Variants in COL4A6 observed in about 807,000 individuals in gnomAD.
COL4A6 encodes the protein collagen type IV alpha 6 chain, also known as collagen alpha-6(IV) chain.
A neutral mutation model predicts 126.7 loss-of-function variants in COL4A6; 59 were observed. The observed-to-expected ratio is 0.47, with a 90% CI of 0.38 to 0.58. The LOEUF is 0.58. Among genes scored for constraint, COL4A6 ranks in the 20% least tolerant of loss-of-function variants. The pLI is 0.00. For synonymous variants in COL4A6, 547 were observed against 496.6 expected (o/e 1.10, Z -1.35); for missense variants, 1,285 against 1,337.3 (o/e 0.96, Z 0.61).
At chrX:108,312,045 GA>G (rs2077516677) in intron 2 of COL4A6, among the ~76,000 whole-genome samples, 1 of 111,961 alleles carries the variant, frequency 8.9e-6, no homozygotes, top group African/African-American at 3.2e-5. Flanking sequence ...TCCACCTTGG[GA>G]AAAAAGGAAA....
chrX:108,375,451 A>G (rs1184371548), intron 2 of COL4A6, among the ~76,000 whole-genome samples: 1 of 111,400 alleles, frequency 9.0e-6, no homozygotes, highest in East Asian at 2.8e-4. Flanking sequence ...GAGTTTGGAA[A>G]CATGATGCTG....
chrX:108,400,871 T>G (rs2041073259), intron 2 of COL4A6, among the ~76,000 whole-genome samples: 1 of 111,946 alleles, frequency 8.9e-6, no homozygotes, highest in South Asian at 3.7e-4. Context: ...CACAAAAAAT[T>G]TAGAAAGTGT....
intron 2 of COL4A6, among the ~76,000 whole-genome samples, chrX:108,371,188 T>C (rs2040315004): frequency 9.1e-6 from 1 of 110,240 alleles, no homozygotes; most frequent in South Asian, 4.0e-4. Flanking sequence ...ATTTCCTTTT[T>C]AAAATAACAT....
intron 3 of COL4A6, among the ~76,000 whole-genome samples, chrX:108,289,901 C>A (rs778771526): frequency 1.8e-5 from 2 of 111,954 alleles, no homozygotes; most frequent in South Asian, 7.6e-4. Context: ...TTTGCAGGAG[C>A]GAATCTCGTC....
intron 20 of COL4A6, 36 bp from the exon 21 acceptor site, chrX:108,188,713 A>T: frequency 9.3e-7 from 1 of 1,073,055 alleles, no homozygotes; most frequent in Middle Eastern, 2.6e-4. Flanking sequence ...GAAGTGGGTC[A>T]TTTTTTTCCA....
At chrX:108,401,869 G>T (rs1184037743) in intron 2 of COL4A6, among the ~76,000 whole-genome samples, 4 of 110,753 alleles carry the variant, frequency 3.6e-5, no homozygotes, top group Non-Finnish European at 7.6e-5. Context: ...ACTGAGATGG[G>T]TATATTTTTC....
intron 3 of COL4A6, among the ~76,000 whole-genome samples, chrX:108,253,870 C>G (rs2036922219): frequency 8.9e-6 from 1 of 111,748 alleles, no homozygotes; most frequent in African/African-American, 3.2e-5. Flanking sequence ...TAGCCCATTA[C>G]TTTATTAAGG....
At position 108,382,963 on chromosome X, in the gene COL4A6, A is replaced by AATAATAATG. The variant is rs2040592590; in HGVS notation, c.63+54978_63+54979insCATTATTAT. Among the ~76,000 whole-genome samples, 7 of 9,204 alleles carry AATAATAATG rather than the reference A, an allele frequency of 7.6e-4. No homozygotes were observed. The South Asian group carries it at 9.4e-3, about 12-fold the overall frequency. The allele number at this position is 9,204 out of a possible 115,157, so 8.0% of individuals were successfully genotyped here. A position where few individuals can be genotyped will look rare whatever the true frequency, so the allele number is the denominator to read the frequency against. On this transcript the variant is annotated intron_variant, in intron 2 of 44. Coordinates refer to ENST00000334504, the MANE Select transcript of COL4A6 (RefSeq NM_033641.4). ...ACCCTGTCTCCATTCCCCCGCCAAA[A>AATAATAATG]ATAATAATAATAATAATAATAATAA...
At chrX:108,425,200 TGTGA>T (rs1263466836) in intron 2 of COL4A6, among the ~76,000 whole-genome samples, 14 of 73,369 alleles carry the variant, frequency 1.9e-4, no homozygotes, top group South Asian at 5.9e-4. Context: ...TGTGTGTGTG[TGTGA>T]GAGAGAGAGA....
intron 2 of COL4A6, among the ~76,000 whole-genome samples, chrX:108,409,116 G>T (rs941934679): frequency 8.9e-6 from 1 of 112,340 alleles, no homozygotes; most frequent in Non-Finnish European, 1.9e-5. Flanking sequence ...GAAGTGAAAA[G>T]AGATGCAGCC....
At chrX:108,318,750 C>A (rs889121290) in intron 2 of COL4A6, among the ~76,000 whole-genome samples, 1 of 112,239 alleles carries the variant, frequency 8.9e-6, no homozygotes, top group African/African-American at 3.2e-5. Flanking sequence ...GAAGAATATT[C>A]CATGCTCATG....
At chrX:108,378,879 C>G (rs929763726) in intron 2 of COL4A6, among the ~76,000 whole-genome samples, 3 of 112,675 alleles carry the variant, frequency 2.7e-5, no homozygotes, top group African/African-American at 9.7e-5. Context: ...TTGTGCTCAA[C>G]AACAGAGATA....
chrX:108,356,878 A>G (rs1418470040), intron 2 of COL4A6, among the ~76,000 whole-genome samples: 1 of 109,737 alleles, frequency 9.1e-6, no homozygotes, highest in Non-Finnish European at 1.9e-5. Flanking sequence ...TTAGAATAAT[A>G]AGAGCAGAAG....
In COL4A6 at chrX:108,185,431, A is replaced by G. The variant is rs144900718; in HGVS notation, c.1951+1665T>C. Among the ~76,000 whole-genome samples the G allele has an allele frequency of 3.7e-3, 411 of 109,897 alleles. 3 individuals are homozygous for G. Among genetic ancestry groups the G allele is most frequent in the African/African-American group, 0.013 (402 of 30,248 alleles). On this transcript the variant is annotated intron_variant, in intron 23 of 44. Transcript: ENST00000334504. ...GGAAAATGTCCTTACAACCTTCACAATAATTTGTGAAATGATATATTGACT... is the reference window on the plus strand; with the variant it reads ...GGAAAATGTCCTTACAACCTTCACAGTAATTTGTGAAATGATATATTGACT...
chrX:108,338,165 G>A (rs1246464233), intron 2 of COL4A6, among the ~76,000 whole-genome samples: 1 of 111,711 alleles, frequency 9.0e-6, no homozygotes, highest in Non-Finnish European at 1.9e-5. Context: ...CACTGGGGAG[G>A]AATGAGATGG....
Position 108,214,213 on chromosome X carries a change from G to C in COL4A6, c.340C>G (p.Pro114Ala), listed in dbSNP as rs754318268. ...INGIPGHPGQPGPRGPPGLDG... is the reference protein window; with the variant it reads ...INGIPGHPGQAGPRGPPGLDG... ...AGACCAGGTGGGCCTCTGGGGCCTG[G>C]TTGTCCAGGGTGGCCCTGTTCAAAG... The change falls in exon 6 of 45, where the codon CCA becomes GCA. Residue 114 changes from proline (P) to alanine (A), a missense_variant. By Grantham distance (27) the Pro-to-Ala change is conservative (BLOSUM62 -1). Coordinates refer to ENST00000334504, the MANE Select transcript of COL4A6 (RefSeq NM_033641.4). 1 of 1,199,431 alleles carries C rather than the reference G, an allele frequency of 8.3e-7. No homozygotes were observed. The highest frequency in any genetic ancestry group is 2.2e-5 in the Admixed American group (1 of 44,650).
chrX:108,175,563 G>T lies in COL4A6; in HGVS notation c.2830+91C>A, dbSNP rs2034454796. On this transcript the variant is annotated intron_variant, in intron 29 of 44. Coordinates refer to ENST00000334504, the MANE Select transcript of COL4A6 (RefSeq NM_033641.4). ...ATTTTTATTATCTAACATAGATTTG[G>T]TACAAACCACAGGAATAACCAAGTC... 9.0e-6 allele frequency: 9 copies of T among 1,001,330 alleles called. No homozygotes were observed. The South Asian group carries it at 2.0e-4, about 22-fold the overall frequency. The allele number at this position is 1,001,330 out of a possible 1,213,427, so 82.5% of individuals were successfully genotyped here.
chrX:108,227,064 C>T lies in COL4A6; in HGVS notation c.145-5690G>A, dbSNP rs1031455454. 2.7e-5 allele frequency among the ~76,000 whole-genome samples: 3 copies of T among 111,644 alleles called. 1 individual carries two copies. The highest frequency in any genetic ancestry group is 9.8e-5 in the African/African-American group (3 of 30,648). On this transcript the variant is annotated intron_variant, in intron 3 of 44. Coordinates refer to ENST00000334504, the MANE Select transcript of COL4A6 (RefSeq NM_033641.4). ...GGCTCTAACCAAGATATCAGCTTCT[C>T]CAGGGAGCTTTCTATGATTACCCCC...
intron 2 of COL4A6, among the ~76,000 whole-genome samples, chrX:108,392,309 A>G (rs964655432): frequency 8.9e-6 from 1 of 111,745 alleles, no homozygotes; most frequent in East Asian, 2.8e-4. Flanking sequence ...GACACTATCA[A>G]GAAATTGAAA....
Sources: gnomAD v4.1 joint callset for allele counts (sites outside exome capture counted in the v4.1 genomes callset) on GRCh38, gnomAD v4.1.1 for gene constraint, MANE v1.5 for transcripts, NCBI Gene and HGNC (gene_info 2026-07-23, HGNC 2026-07-21) for gene names.